Variants in ROBO2 observed in about 807,000 individuals in gnomAD.
The protein encoded by ROBO2 is roundabout guidance receptor 2.
In ROBO2, 53 loss-of-function variants were observed where a neutral mutation model predicts 160.8. The observed-to-expected ratio is 0.33, with a 90% CI of 0.26 to 0.41. The LOEUF (loss-of-function observed/expected upper bound fraction) is 0.41. Ranked by LOEUF, ROBO2 falls within the 10% of genes least tolerant of loss-of-function variation. The pLI is 1.00. For synonymous variants in ROBO2, 664 were observed against 611.7 expected, an observed-to-expected ratio of 1.09 and a Z score of -1.26; for missense variants, 1,577 against 1,722.4, an observed-to-expected ratio of 0.92 and a Z score of 1.49.
chr3:77,503,508 A>C (rs982202410), intron 5 of ROBO2, among the ~76,000 whole-genome samples: 6 of 150,400 alleles, frequency 4.0e-5, no homozygotes, highest in African/African-American at 1.5e-4. Context: ...TGGGCCACAG[A>C]GAGAGAGTCC....
intron 2 of ROBO2, among the ~76,000 whole-genome samples, chr3:76,991,708 G>A (rs2060674221): frequency 6.6e-6 from 1 of 152,116 alleles, no homozygotes; most frequent in Non-Finnish European, 1.5e-5. Context: ...TTGATGTGTT[G>A]TGCATAGCAT....
chr3:77,328,076 A>G lies in ROBO2; in HGVS notation c.389-149338A>G, dbSNP rs546879911. On this transcript the variant is annotated intron_variant, in intron 2 of 25. Transcript: ENST00000461745. The stretch of plus-strand genomic sequence containing the variant: ...AGACCGTATCTCAAAAAAAAAAAAA[A>G]AAAAGAAAAGAAAAAAAAAGGAACA... 3.4e-3 allele frequency among the ~76,000 whole-genome samples: 509 copies of G among 149,112 alleles called. 3 individuals carry two copies. The highest frequency in any genetic ancestry group is 0.012 in the African/African-American group (473 of 40,934).
At chr3:76,064,217 A>G (rs1311864584) in intron 2 of ROBO2, among the ~76,000 whole-genome samples, 2 of 152,178 alleles carry the variant, frequency 1.3e-5, no homozygotes, top group East Asian at 1.9e-4. Context: ...ACCCATGGAA[A>G]ATGAAATAAT....
At chr3:77,016,097 C>T (rs1444339425) in intron 2 of ROBO2, among the ~76,000 whole-genome samples, 1 of 152,068 alleles carries the variant, frequency 6.6e-6, no homozygotes, top group African/African-American at 2.4e-5. Flanking sequence ...CTGCCTCAGC[C>T]TCCCGAGTAG....
At chr3:77,051,804 G>A (rs188388280) in intron 1 of ROBO2, among the ~76,000 whole-genome samples, 1 of 152,270 alleles carries the variant, frequency 6.6e-6, no homozygotes, top group East Asian at 1.9e-4. Context: ...CAATCTCCCT[G>A]AACTATAAGG....
chr3:76,872,746 A>G (rs1577167657), intron 2 of ROBO2, among the ~76,000 whole-genome samples: 1 of 152,088 alleles, frequency 6.6e-6, no homozygotes, highest in Admixed American at 6.5e-5. Flanking sequence ...GTTTTGAATT[A>G]CATATATTTC....
At chr3:77,284,352 T>C (rs2153376459) in intron 2 of ROBO2, among the ~76,000 whole-genome samples, 1 of 152,280 alleles carries the variant, frequency 6.6e-6, no homozygotes, top group South Asian at 2.1e-4. Context: ...TCATCTGTAA[T>C]ATAAAGACAC....
intron 2 of ROBO2, among the ~76,000 whole-genome samples, chr3:77,211,465 A>G (rs1198662585): frequency 1.3e-5 from 2 of 152,076 alleles, no homozygotes; most frequent in African/African-American, 4.8e-5. Context: ...GTTTGAGTTC[A>G]TTGTAGATTC....
intron 2 of ROBO2, among the ~76,000 whole-genome samples, chr3:76,932,425 C>CACAT (rs2077407794): frequency 6.7e-6 from 1 of 148,972 alleles, no homozygotes; most frequent in Non-Finnish European, 1.5e-5. Context: ...TGTTTAGAAA[C>CACAT]ACACACACAC....
chr3:77,482,043 C>T (rs769547635), intron 4 of ROBO2, among the ~76,000 whole-genome samples: 2 of 152,070 alleles, frequency 1.3e-5, no homozygotes, highest in Non-Finnish European at 2.9e-5. Flanking sequence ...CTATTTAAAT[C>T]TCTGTATAGA....
At chr3:77,516,363 A>T (rs964681692) in intron 5 of ROBO2, among the ~76,000 whole-genome samples, 3 of 151,620 alleles carry the variant, frequency 2.0e-5, no homozygotes, top group African/African-American at 7.3e-5. Context: ...ATGAAAGAGT[A>T]TATTTGAGAA....
intron 2 of ROBO2, among the ~76,000 whole-genome samples, chr3:76,251,776 C>G (rs1468010273): frequency 6.6e-6 from 1 of 151,952 alleles, no homozygotes. Context: ...TCAGTGGATG[C>G]TTCGAAATTT....
At chr3:76,473,621 G>T (rs1182036282) in intron 2 of ROBO2, among the ~76,000 whole-genome samples, 1 of 152,080 alleles carries the variant, frequency 6.6e-6, no homozygotes, top group Non-Finnish European at 1.5e-5. Context: ...CTGGTGAGGC[G>T]ATCATATAAG....
At chr3:75,956,285 G>A (rs527928832) in intron 2 of ROBO2, among the ~76,000 whole-genome samples, 24 of 151,774 alleles carry the variant, frequency 1.6e-4, no homozygotes, top group African/African-American at 3.6e-4. Context: ...CTCTGTGTCC[G>A]TCCTAGTAGC....
chr3:77,320,192 T>C (rs2064522464), intron 2 of ROBO2, among the ~76,000 whole-genome samples: 1 of 152,186 alleles, frequency 6.6e-6, no homozygotes, highest in South Asian at 2.1e-4. Context: ...TCTTACCCTC[T>C]ACCCTCTTGT....
At chr3:76,497,201 G>A (rs2080197299) in intron 2 of ROBO2, among the ~76,000 whole-genome samples, 1 of 151,852 alleles carries the variant, frequency 6.6e-6, no homozygotes, top group Non-Finnish European at 1.5e-5. Context: ...TCACTGTCTT[G>A]TTTTTTTCAT....
At chr3:76,476,851 T>A (rs912713677) in intron 2 of ROBO2, among the ~76,000 whole-genome samples, 1 of 147,614 alleles carries the variant, frequency 6.8e-6, no homozygotes, top group African/African-American at 2.5e-5. Context: ...GGAAAAAAAA[T>A]GATTTTATAG....
intron 2 of ROBO2, among the ~76,000 whole-genome samples, chr3:76,002,223 C>A (rs1246338354): frequency 6.6e-6 from 1 of 152,014 alleles, no homozygotes; most frequent in Non-Finnish European, 1.5e-5. Flanking sequence ...TCTGTCCTTA[C>A]AAAAAGGAGA....
chr3:76,841,269 G>A (rs2068232700), intron 2 of ROBO2, among the ~76,000 whole-genome samples: 1 of 152,152 alleles, frequency 6.6e-6, no homozygotes, highest in South Asian at 2.1e-4. Flanking sequence ...TGTGGCCACA[G>A]AATCACTCAC....
Sources: allele counts gnomAD v4.1 joint callset (sites outside exome capture counted in the v4.1 genomes callset), GRCh38; gene constraint gnomAD v4.1.1; transcripts MANE v1.5; gene names NCBI Gene and HGNC (gene_info 2026-07-23, HGNC 2026-07-21).